The following KIF26B variants were observed in gnomAD, a reference collection of about 807,000 sequenced individuals.
The protein encoded by KIF26B is kinesin family member 26B.
In KIF26B, 63 loss-of-function variants were observed where a neutral mutation model predicts 151.2. That is an observed-to-expected ratio of 0.42 (90% CI 0.34 to 0.51). KIF26B has a LOEUF of 0.51. Among genes scored for constraint, KIF26B ranks in the 20% least tolerant of loss-of-function variants. The pLI, the probability that KIF26B is intolerant of heterozygous loss-of-function variation, is 0.07. For missense variants in KIF26B, 2,813 were observed against 2,913.6 expected, an observed-to-expected ratio of 0.97 and a Z score of 0.79; for synonymous variants, 1,357 against 1,262.1, an observed-to-expected ratio of 1.08 and a Z score of -1.59.
intron 3 of KIF26B, among the ~76,000 whole-genome samples, chr1:245,390,882 G>C (rs1358785725): frequency 8.3e-6 from 1 of 119,906 alleles, no homozygotes; most frequent in South Asian, 2.7e-4. Flanking sequence ...GTCTGGGGAA[G>C]TTCCAGACCA....
In KIF26B at chr1:245,667,689, C is replaced by T. The variant is rs1311145349; in HGVS notation, c.2259-16544C>T. Among the ~76,000 whole-genome samples, 1 of 152,162 alleles carries T rather than the reference C, an allele frequency of 6.6e-6. No homozygotes were observed. The highest frequency in any genetic ancestry group is 1.5e-5 in the Non-Finnish European group (1 of 68,008). On this transcript the variant is annotated intron_variant, in intron 10 of 14. Coordinates refer to ENST00000407071, the MANE Select transcript of KIF26B (RefSeq NM_018012.4). The surrounding 1 kb of genome is among the most constrained non-coding windows in gnomAD (Gnocchi z 4.3). Reference sequence around the variant, plus strand: ...AGAAGAGAAGTGGCATCTGCCCATCCTACGCAGTTCTCCAGGAAGGAGGTG... The same window carrying T: ...AGAAGAGAAGTGGCATCTGCCCATCTTACGCAGTTCTCCAGGAAGGAGGTG...
At position 245,516,518 on chromosome 1, in the gene KIF26B, G is replaced by A. The variant is rs544131896; in HGVS notation, c.1167-24249G>A. 9.2e-5 allele frequency among the ~76,000 whole-genome samples: 14 copies of A among 152,246 alleles called. No homozygotes were observed. The highest frequency in any genetic ancestry group is 2.9e-4 in the African/African-American group (12 of 41,538). ...TTGCTATACAGTGAATACACTGTGGGTCTATTATTCGCCTCTTCAGATCCA... is the reference window on the plus strand; with the variant it reads ...TTGCTATACAGTGAATACACTGTGGATCTATTATTCGCCTCTTCAGATCCA... On this transcript the variant is annotated intron_variant, in intron 4 of 14. Coordinates refer to ENST00000407071, the MANE Select transcript of KIF26B (RefSeq NM_018012.4). The surrounding 1 kb of genome is among the most constrained non-coding windows in gnomAD (Gnocchi z 4.2).
intron 5 of KIF26B, among the ~76,000 whole-genome samples, chr1:245,589,495 A>G (rs373418013): frequency 6.6e-6 from 1 of 152,196 alleles, no homozygotes; most frequent in African/African-American, 2.4e-5. Context: ...ACTGCCAGGA[A>G]CAAAATTATC....
chr1:245,342,307 G>A lies in KIF26B; in HGVS notation c.466-24527G>A, dbSNP rs1440178819. On this transcript the variant is annotated intron_variant, in intron 2 of 14. Coordinates refer to ENST00000407071, the MANE Select transcript of KIF26B (RefSeq NM_018012.4). Reference sequence around the variant, plus strand: ...GCACCAAGATGAAGAAGTGAGCCGCGTGGTTTTCTCCATCCAGGGGTGCAG... The same window carrying A: ...GCACCAAGATGAAGAAGTGAGCCGCATGGTTTTCTCCATCCAGGGGTGCAG... 5.9e-5 allele frequency among the ~76,000 whole-genome samples: 9 copies of A among 152,320 alleles called. No individual in the cohort carries two copies. In the Middle Eastern group the frequency reaches 0.017, roughly 288 times the overall value.
At chr1:245,371,078 TGTG>T (rs1338600735) in intron 3 of KIF26B, among the ~76,000 whole-genome samples, 3 of 152,276 alleles carry the variant, frequency 2.0e-5, no homozygotes, top group Non-Finnish European at 4.4e-5. Context: ...GCCACCAACT[TGTG>T]GTCATCCTGG....
chr1:245,581,467 C>T (rs1056953028), intron 5 of KIF26B, among the ~76,000 whole-genome samples: 2 of 152,132 alleles, frequency 1.3e-5, no homozygotes, highest in African/African-American at 2.4e-5. Context: ...AAGAAGCTTG[C>T]GTGTGTTTGT....
intron 5 of KIF26B, among the ~76,000 whole-genome samples, chr1:245,583,287 C>T (rs534372034): frequency 2.0e-5 from 3 of 152,232 alleles, no homozygotes; most frequent in South Asian, 4.2e-4. Context: ...GGCACGTGAG[C>T]GATGCTGGGC....
chr1:245,425,449 C>T lies in KIF26B; in HGVS notation c.1166+5704C>T, dbSNP rs926991544. 7.2e-5 allele frequency among the ~76,000 whole-genome samples: 11 copies of T among 152,290 alleles called. No individual in the cohort carries two copies. In the East Asian group the frequency reaches 1.9e-3, roughly 27 times the overall value. Reference sequence around the variant, plus strand: ...TGAGATGGAGTCTCGCTCTGTCGCCCAGGCTGGAGTGCAGTGGTGCAATCT... The same window carrying T: ...TGAGATGGAGTCTCGCTCTGTCGCCTAGGCTGGAGTGCAGTGGTGCAATCT... On this transcript the variant is annotated intron_variant, in intron 4 of 14. Coordinates refer to ENST00000407071, the MANE Select transcript of KIF26B (RefSeq NM_018012.4).
chr1:245,281,624 T>A (rs1253550340), intron 2 of KIF26B, among the ~76,000 whole-genome samples: 2 of 137,152 alleles, frequency 1.5e-5, no homozygotes, highest in Non-Finnish European at 3.1e-5. Flanking sequence ...ATCCCATTTG[T>A]CAATTTTGTC....
intron 2 of KIF26B, among the ~76,000 whole-genome samples, chr1:245,248,362 G>A (rs1187549769): frequency 1.3e-5 from 2 of 152,138 alleles, no homozygotes; most frequent in Non-Finnish European, 2.9e-5. Context: ...GAGAAGGCAC[G>A]CTTACCTTCT....
chr1:245,312,633 C>T (rs995847481), intron 2 of KIF26B, among the ~76,000 whole-genome samples: 3 of 151,744 alleles, frequency 2.0e-5, no homozygotes, highest in Non-Finnish European at 2.9e-5. Context: ...TGGGGGTGGG[C>T]GGTAGCAAGT....
At chr1:245,574,664 G>C (rs2043098672) in intron 5 of KIF26B, among the ~76,000 whole-genome samples, 1 of 152,070 alleles carries the variant, frequency 6.6e-6, no homozygotes, top group African/African-American at 2.4e-5. Flanking sequence ...TCTTGCCTGA[G>C]TCTCCTGGTT....
At chr1:245,483,809 G>A (rs918113358) in intron 4 of KIF26B, among the ~76,000 whole-genome samples, 3 of 151,846 alleles carry the variant, frequency 2.0e-5, no homozygotes, top group Admixed American at 6.6e-5. Context: ...CTTACAGGGC[G>A]ACTACTTGGG....
intron 5 of KIF26B, among the ~76,000 whole-genome samples, chr1:245,557,733 A>G (rs1662073049): frequency 6.6e-6 from 1 of 152,190 alleles, no homozygotes; most frequent in Admixed American, 6.5e-5. Context: ...GTCTCCAGCT[A>G]GGATTTAAAC....
In KIF26B at chr1:245,166,892, C is replaced by CA; in HGVS notation, c.465+10215dup. 6.6e-6 allele frequency among the ~76,000 whole-genome samples: 1 copy of CA among 152,194 alleles called. No homozygotes were observed. The highest frequency in any genetic ancestry group is 2.1e-4 in the South Asian group (1 of 4,816). On this transcript the variant is annotated intron_variant, in intron 2 of 14. Coordinates refer to ENST00000407071, the MANE Select transcript of KIF26B (RefSeq NM_018012.4). This position sits in a 1 kb window ranked among gnomAD's most constrained non-coding sequence, Gnocchi z 4.5. ...GAGAGGGATCCTGTGAGCTCTAATA[C>CA]AAAAAACCGAGACATTCTGAACGTT...
chr1:245,190,639 G>GTTTTTT (rs56019423), intron 2 of KIF26B, among the ~76,000 whole-genome samples: 3 of 140,100 alleles, frequency 2.1e-5, no homozygotes, highest in Non-Finnish European at 4.5e-5. Context: ...GTTTTGTTTT[G>GTTTTTT]TTTTTTTTTT....
intron 2 of KIF26B, among the ~76,000 whole-genome samples, chr1:245,263,863 T>C (rs1348731675): frequency 6.6e-6 from 1 of 152,220 alleles, no homozygotes; most frequent in Non-Finnish European, 1.5e-5. Flanking sequence ...TTGGAGGAGT[T>C]AACCGGTTCT....
At chr1:245,518,348 G>A (rs6662614) in intron 4 of KIF26B, among the ~76,000 whole-genome samples, 35,682 of 152,054 alleles carry the variant, frequency 0.23, 4,574 homozygotes, top group Middle Eastern at 0.41. Flanking sequence ...CCACACCTGG[G>A]TTTTGTTACT....
intron 5 of KIF26B, among the ~76,000 whole-genome samples, chr1:245,594,595 G>T (rs1427452997): frequency 1.3e-5 from 2 of 152,130 alleles, no homozygotes; most frequent in Non-Finnish European, 2.9e-5. Context: ...TTGAGGTCAG[G>T]TAGCGTGATG....
Sources: allele counts gnomAD v4.1 joint callset (sites outside exome capture counted in the v4.1 genomes callset), GRCh38; gene constraint gnomAD v4.1.1; non-coding constraint Gnocchi (gnomAD v3.1); transcripts MANE v1.5; gene names NCBI Gene and HGNC (gene_info 2026-07-23, HGNC 2026-07-21).